RXRG: variants seen among roughly 807,000 people sequenced by gnomAD.
RXRG encodes the protein retinoid X receptor gamma, also known as retinoic acid receptor RXR-gamma.
Under a neutral mutation model 49.2 loss-of-function variants are expected in RXRG, and 19 were observed. That is an observed-to-expected ratio of 0.39 (90% confidence interval 0.27 to 0.57). The LOEUF is 0.57. Among genes scored for constraint, RXRG ranks in the 20% least tolerant of loss-of-function variants. RXRG has a pLI of 0.64. For missense variants in RXRG, 452 were observed against 592.5 expected (o/e 0.76, Z 2.46); for synonymous variants, 224 against 216.6 (o/e 1.03, Z -0.30).
intron 3 of RXRG, 152 bp from the exon 4 acceptor site, chr1:165,417,372 C>T: frequency 3.2e-6 from 2 of 625,290 alleles, no homozygotes; most frequent in Non-Finnish European, 5.3e-6. Context: ...AGAATGCAGG[C>T]TTGATCACAG....
At chr1:165,420,573 C>T (rs144695167) in intron 2 of RXRG, among the ~76,000 whole-genome samples, 106 of 152,276 alleles carry the variant, frequency 7.0e-4, no homozygotes, top group Admixed American at 1.9e-3. Flanking sequence ...AAGGAGTTCA[C>T]GGTAAAATGA....
chr1:165,404,663 C>CGAGGAT (rs1287548339), intron 9 of RXRG, among the ~76,000 whole-genome samples: 17 of 151,954 alleles, frequency 1.1e-4, no homozygotes, highest in African/African-American at 3.9e-4. Context: ...AATAGTTACA[C>CGAGGAT]GAGGATACAC....
At chr1:165,441,832 CAGAGAAGGAGA>C (rs1309182277) in intron 1 of RXRG, among the ~76,000 whole-genome samples, 1 of 152,140 alleles carries the variant, frequency 6.6e-6, no homozygotes, top group Non-Finnish European at 1.5e-5. Flanking sequence ...CTGGACTTGG[CAGAGAAGGAGA>C]AGAGAAGGTT....
intron 2 of RXRG, 110 bp from the exon 3 acceptor site, chr1:165,420,124 A>G: frequency 1.1e-6 from 1 of 870,572 alleles, no homozygotes; most frequent in African/African-American, 1.7e-5. Context: ...TTCAAGAAAC[A>G]GTTTCCAAGT....
intron 4 of RXRG, among the ~76,000 whole-genome samples, chr1:165,415,965 C>G (rs545850747): frequency 3.3e-5 from 5 of 152,244 alleles, no homozygotes; most frequent in Admixed American, 6.5e-5. Context: ...TCTCATCTGG[C>G]GGATGGTTAC....
chr1:165,414,530 T>C (rs763032235), intron 4 of RXRG, among the ~76,000 whole-genome samples: 3 of 152,254 alleles, frequency 2.0e-5, no homozygotes, highest in Non-Finnish European at 4.4e-5. Flanking sequence ...TTCACTTTCC[T>C]TTAATTCAAT....
At chr1:165,438,068 A>G (rs543132094) in intron 1 of RXRG, among the ~76,000 whole-genome samples, 3 of 152,272 alleles carry the variant, frequency 2.0e-5, no homozygotes, top group East Asian at 3.9e-4. Flanking sequence ...TACGGACTAC[A>G]CTGTCAGTTT....
chr1:165,432,039 T>C (rs1014247990), intron 1 of RXRG, among the ~76,000 whole-genome samples: 8 of 152,158 alleles, frequency 5.3e-5, no homozygotes, highest in African/African-American at 1.7e-4. Context: ...GAATGATGTT[T>C]AAAAAACATC....
chr1:165,402,068 A>G (rs1657591741), intron 9 of RXRG, among the ~76,000 whole-genome samples: 1 of 151,436 alleles, frequency 6.6e-6, no homozygotes, highest in Non-Finnish European at 1.5e-5. Context: ...TTTGTTGCCA[A>G]TTTGTAACCA....
rs191096263 is a variant in RXRG at position 165,404,661 on chromosome 1, C to A, written c.1244+2151G>T. Among the ~76,000 whole-genome samples, 351 of 152,204 alleles carry A rather than the reference C, an allele frequency of 2.3e-3. 1 individual carries two copies. Among genetic ancestry groups the A allele is most frequent in the African/African-American group, 8.0e-3 (332 of 41,512 alleles). On this transcript the variant is annotated intron_variant, in intron 9 of 9. Transcript: ENST00000359842. ...TGACATGCGTAATACATAATAGTTA[C>A]ACGAGGATACACACGAGACATAATA...
At chr1:165,437,834 G>A (rs1658862919) in intron 1 of RXRG, among the ~76,000 whole-genome samples, 1 of 152,166 alleles carries the variant, frequency 6.6e-6, no homozygotes, top group South Asian at 2.1e-4. Context: ...GTTAGAGATG[G>A]CATAATATCC....
chr1:165,441,075 C>T (rs900768224), intron 1 of RXRG, among the ~76,000 whole-genome samples: 11 of 152,354 alleles, frequency 7.2e-5, no homozygotes, highest in Admixed American at 4.6e-4. Context: ...CATGTGCACA[C>T]GCACACATAC....
intron 2 of RXRG, among the ~76,000 whole-genome samples, chr1:165,425,872 G>A (rs1658469857): frequency 6.6e-6 from 1 of 152,242 alleles, no homozygotes; most frequent in African/African-American, 2.4e-5. Flanking sequence ...TTACCCGGGA[G>A]CACTGATTAT....
chr1:165,432,173 A>G (rs1658692198), intron 1 of RXRG, among the ~76,000 whole-genome samples: 1 of 152,228 alleles, frequency 6.6e-6, no homozygotes, highest in Non-Finnish European at 1.5e-5. Context: ...TGTTATCATT[A>G]TTAATAAGAA....
At chr1:165,443,694 T>C (rs1156857371) in intron 1 of RXRG, among the ~76,000 whole-genome samples, 1 of 152,166 alleles carries the variant, frequency 6.6e-6, no homozygotes, top group Non-Finnish European at 1.5e-5. Context: ...TGAATGAATG[T>C]GCAAACTCCC....
intron 2 of RXRG, among the ~76,000 whole-genome samples, chr1:165,422,014 C>T (rs1364598447): frequency 6.6e-6 from 1 of 152,072 alleles, no homozygotes; most frequent in Non-Finnish European, 1.5e-5. Flanking sequence ...CAGAGAGAGC[C>T]CTCTAGCTGA....
At chr1:165,429,750 C>T (rs1658614181) in intron 1 of RXRG, among the ~76,000 whole-genome samples, 3 of 152,112 alleles carry the variant, frequency 2.0e-5, no homozygotes, top group African/African-American at 7.2e-5. Flanking sequence ...TTTCTGCCTC[C>T]AAGAATAGAA....
intron 1 of RXRG, among the ~76,000 whole-genome samples, chr1:165,442,117 A>G (rs1410522571): frequency 1.3e-5 from 2 of 152,234 alleles, no homozygotes; most frequent in African/African-American, 4.8e-5. Flanking sequence ...AGGGGGTTAT[A>G]CACCAAGTAT....
At chr1:165,419,807 G>A in intron 3 of RXRG, 63 bp downstream of exon 3, 1 of 1,416,360 alleles carries the variant, frequency 7.1e-7, no homozygotes, top group South Asian at 1.6e-5. Flanking sequence ...AAAGTATCCA[G>A]GCAGACAGTG....
Sources: allele counts gnomAD v4.1 joint callset (sites outside exome capture counted in the v4.1 genomes callset), GRCh38; gene constraint gnomAD v4.1.1; transcripts MANE v1.5; gene names NCBI Gene and HGNC (gene_info 2026-07-23, HGNC 2026-07-21).